The following WIPI1 variants were observed in gnomAD, a reference collection of about 807,000 sequenced individuals.
WIPI1 encodes the protein WD repeat domain phosphoinositide-interacting protein 1.
WIPI1 carries 45 observed loss-of-function variants against 55.3 expected under a neutral mutation model. The observed-to-expected ratio is 0.81, with a 90% CI of 0.64 to 1.04. WIPI1 has a LOEUF of 1.04. WIPI1 is among the 50% of genes least tolerant of loss of function. The pLI is 0.00. For synonymous variants in WIPI1, 195 were observed against 217.6 expected (o/e 0.90, Z 0.92); for missense variants, 445 against 559.0 (o/e 0.80, Z 2.06).
intron 4 of WIPI1, among the ~76,000 whole-genome samples, chr17:68,438,349 C>T (rs1044905101): frequency 6.6e-6 from 1 of 152,216 alleles, no homozygotes; most frequent in Non-Finnish European, 1.5e-5. Context: ...AATTCCTCAC[C>T]CCTTCTGAAT....
intron 12 of WIPI1, among the ~76,000 whole-genome samples, chr17:68,425,029 T>G (rs1189844401): frequency 3.9e-5 from 6 of 152,320 alleles, no homozygotes; most frequent in African/African-American, 1.4e-4. Flanking sequence ...CAGCAGGCTC[T>G]CAGGAGGGAA....
At chr17:68,436,343 G>A in intron 5 of WIPI1, 39 bp downstream of exon 5, 1 of 1,577,840 alleles carries the variant, frequency 6.3e-7, no homozygotes, top group Non-Finnish European at 8.7e-7. Flanking sequence ...ACACAGCCAA[G>A]GCAGGTGGGT....
chr17:68,435,781 C>G, intron 5 of WIPI1, 69 bp from the exon 6 acceptor site: 1 of 1,425,700 alleles, frequency 7.0e-7, no homozygotes. Flanking sequence ...CCTCCCTCCC[C>G]TTCCTCTTTT....
intron 8 of WIPI1, among the ~76,000 whole-genome samples, chr17:68,432,911 T>C (rs1433750624): frequency 6.6e-6 from 1 of 152,200 alleles, no homozygotes; most frequent in East Asian, 1.9e-4. Context: ...CAAAGCTCAT[T>C]GTCTGCCCTG....
At position 68,429,097 on chromosome 17, in the gene WIPI1, T is replaced by A. The variant is rs144763306; in HGVS notation, c.966-161A>T. Among the ~76,000 whole-genome samples, 49 of 152,354 alleles carry A rather than the reference T, an allele frequency of 3.2e-4. 1 individual carries two copies. In the East Asian group the frequency reaches 8.7e-3, roughly 27 times the overall value. ...TGGGCTTCTGGCTATTCCTTTGCAT[T>A]CTGGCCTTGGGATCTACTTTCAGGA... On this transcript the variant is annotated intron_variant, in intron 9 of 12. Coordinates refer to ENST00000262139, the MANE Select transcript of WIPI1 (RefSeq NM_017983.7).
chr17:68,424,682 C>T (rs931633728), intron 12 of WIPI1: 3 of 345,368 alleles, frequency 8.7e-6, no homozygotes, highest in Non-Finnish European at 1.1e-5. Flanking sequence ...TTGAGACCAG[C>T]GTGACCAACA....
At chr17:68,439,511 G>C (rs1312038165) in intron 4 of WIPI1, among the ~76,000 whole-genome samples, 1 of 152,142 alleles carries the variant, frequency 6.6e-6, no homozygotes, top group Non-Finnish European at 1.5e-5. Context: ...AGAGGTACAA[G>C]GTTTGGGGCG....
chr17:68,424,858 C>T (rs184329751), intron 12 of WIPI1, among the ~76,000 whole-genome samples: 2 of 152,224 alleles, frequency 1.3e-5, no homozygotes, highest in East Asian at 3.8e-4. Flanking sequence ...GCCTGGGTGA[C>T]AGAGCAAGAC....
intron 3 of WIPI1, among the ~76,000 whole-genome samples, chr17:68,444,995 A>C (rs1174723627): frequency 1.4e-5 from 2 of 140,684 alleles, no homozygotes; most frequent in East Asian, 4.1e-4. Flanking sequence ...ATCTCAGCTC[A>C]CTGCAACCTC....
rs1277963881 is a variant in WIPI1, at chr17:68,426,027, T to G, written c.1293+48A>C. On this transcript the variant is annotated intron_variant, in intron 12 of 12. Coordinates refer to ENST00000262139, the MANE Select transcript of WIPI1 (RefSeq NM_017983.7). ...CTCTCGTATGAGGCGAAGGTTTCCT[T>G]CTAAGCACACAGACTGAGCCGCCCA... The G allele has an allele frequency of 2.0e-6, 3 of 1,520,902 alleles. No individual in the cohort carries two copies. In the East Asian group the frequency reaches 6.7e-5, roughly 34 times the overall value. The allele number at this position is 1,520,902 out of a possible 1,614,324, so 94.2% of individuals were successfully genotyped here.
At chr17:68,446,665 T>C (rs990508606) in intron 3 of WIPI1, among the ~76,000 whole-genome samples, 10 of 152,256 alleles carry the variant, frequency 6.6e-5, no homozygotes, top group Admixed American at 5.2e-4. Context: ...CGTGGTTCTA[T>C]GCTTCCTTCT....
chr17:68,424,474 A>G (rs368986755), intron 12 of WIPI1: 1 of 534,714 alleles, frequency 1.9e-6, no homozygotes, highest in African/African-American at 1.9e-5. Context: ...TGGACACAAA[A>G]CAATGATCAG....
chr17:68,438,189 T>C (rs1263482469), intron 4 of WIPI1, among the ~76,000 whole-genome samples: 3 of 152,178 alleles, frequency 2.0e-5, no homozygotes, highest in Non-Finnish European at 4.4e-5. Context: ...TCACTTGCCA[T>C]GCATAGCTAC....
chr17:68,448,919 C>T (rs1228939375), intron 3 of WIPI1, among the ~76,000 whole-genome samples: 1 of 152,214 alleles, frequency 6.6e-6, no homozygotes, highest in Non-Finnish European at 1.5e-5. Context: ...CTTTCTTACT[C>T]CTGCTACTCC....
At chr17:68,427,423 C>A (rs1317734147) in intron 10 of WIPI1, 170 bp from the exon 11 acceptor site, 6 of 478,988 alleles carry the variant, frequency 1.3e-5, no homozygotes, top group Non-Finnish European at 2.2e-5. Context: ...GTGGCGCAAT[C>A]TCGGCTCACT....
chr17:68,438,593 A>G (rs2083934508), intron 4 of WIPI1, among the ~76,000 whole-genome samples: 1 of 152,214 alleles, frequency 6.6e-6, no homozygotes, highest in Non-Finnish European at 1.5e-5. Context: ...AAGGTTTCTC[A>G]GCACATATGT....
intron 4 of WIPI1, among the ~76,000 whole-genome samples, chr17:68,438,327 T>C (rs191086234): frequency 1.3e-5 from 2 of 152,312 alleles, no homozygotes; most frequent in Non-Finnish European, 2.9e-5. Flanking sequence ...CCAGTTTTGC[T>C]CTGGAAACCC....
At chr17:68,442,998 A>C (rs952864851) in intron 4 of WIPI1, among the ~76,000 whole-genome samples, 9 of 152,228 alleles carry the variant, frequency 5.9e-5, no homozygotes, top group African/African-American at 2.2e-4. Context: ...TACCACCCAC[A>C]GCTTCTTCAC....
chr17:68,421,881 A>G lies in WIPI1; in HGVS notation c.1294-61T>C. 1.9e-6 allele frequency: 3 copies of G among 1,606,796 alleles called. No individual in the cohort carries two copies. The South Asian group carries it at 3.3e-5, about 18-fold the overall frequency. ...CAGGAAGAGGCTGGTAGGCAGGTGCATTATCAACAGGTCTGTGCCCATGCA... is the reference window on the plus strand; with the variant it reads ...CAGGAAGAGGCTGGTAGGCAGGTGCGTTATCAACAGGTCTGTGCCCATGCA... On this transcript the variant is annotated intron_variant, in intron 12 of 12. Coordinates refer to ENST00000262139, the MANE Select transcript of WIPI1 (RefSeq NM_017983.7).
Sources: allele counts gnomAD v4.1 joint callset (sites outside exome capture counted in the v4.1 genomes callset), GRCh38; gene constraint gnomAD v4.1.1; transcripts MANE v1.5; gene names NCBI Gene and HGNC (gene_info 2026-07-23, HGNC 2026-07-21).